IMPA2: variants seen among roughly 807,000 people sequenced by gnomAD.
IMPA2 encodes inositol monophosphatase 2, also known as IMP 2.
In IMPA2, 32 loss-of-function variants were observed where a neutral mutation model predicts 35.1. The ratio of observed to expected loss-of-function variants is 0.91; its 90% CI spans 0.69 to 1.23. IMPA2 has a LOEUF of 1.23. Ranked by LOEUF, IMPA2 falls within the 50% of genes most tolerant of loss-of-function variation. IMPA2 has a pLI of 0.00. For synonymous variants in IMPA2, 135 were observed against 160.6 expected, an observed-to-expected ratio of 0.84 and a Z score of 1.20; for missense variants, 334 against 387.6, an observed-to-expected ratio of 0.86 and a Z score of 1.16.
At chr18:12,017,264 G>A (rs1962913) in intron 5 of IMPA2, among the ~76,000 whole-genome samples, 72,336 of 151,972 alleles carry the variant, frequency 0.48, 18,856 homozygotes, top group Non-Finnish European at 0.59. Flanking sequence ...CGCCTGCTTC[G>A]TGTGTGTCCA....
intron 1 of IMPA2, among the ~76,000 whole-genome samples, chr18:11,984,267 C>T (rs1906591571): frequency 6.6e-6 from 1 of 152,220 alleles, no homozygotes; most frequent in South Asian, 2.1e-4. Flanking sequence ...TGCCACTCTT[C>T]CTTCCGTGAC....
intron 1 of IMPA2, among the ~76,000 whole-genome samples, chr18:11,986,921 G>C (rs996251316): frequency 1.3e-5 from 2 of 152,194 alleles, no homozygotes; most frequent in African/African-American, 4.8e-5. Context: ...GGTTCAGCCC[G>C]GCAGTGTATT....
chr18:12,022,530 T>A lies in IMPA2; in HGVS notation c.491-5513T>A, dbSNP rs9955933. Among the ~76,000 whole-genome samples, 50 of 7,158 alleles carry A rather than the reference T, an allele frequency of 7.0e-3. 1 individual carries two copies. The highest frequency in any genetic ancestry group is 0.011 in the African/African-American group (44 of 4,084). The allele number at this position is 7,158 out of a possible 152,430, so 4.7% of individuals were successfully genotyped here. A position where few individuals can be genotyped will look rare whatever the true frequency, so the allele number is the denominator to read the frequency against. ...GAATGGGGCTCCATCTCAAAAAGAA[T>A]ATATATATATATATATATATATATA... On this transcript the variant is annotated intron_variant, in intron 5 of 7. Coordinates refer to ENST00000269159, the MANE Select transcript of IMPA2 (RefSeq NM_014214.3).
At chr18:12,007,553 G>A (rs72873581) in intron 2 of IMPA2, among the ~76,000 whole-genome samples, 20,551 of 149,380 alleles carry the variant, frequency 0.14, 1,873 homozygotes, top group African/African-American at 0.23. Context: ...AACATGGGAC[G>A]CTTCTTTCTT....
At chr18:11,982,614 G>A (rs531194658) in intron 1 of IMPA2, among the ~76,000 whole-genome samples, 1 of 152,302 alleles carries the variant, frequency 6.6e-6, no homozygotes, top group African/African-American at 2.4e-5. Flanking sequence ...GACCAACATG[G>A]TGAAACCCCG....
chr18:12,009,643 C>G (rs1031611160), intron 2 of IMPA2, among the ~76,000 whole-genome samples: 3 of 152,150 alleles, frequency 2.0e-5, no homozygotes, highest in Admixed American at 6.5e-5. Flanking sequence ...CCCTGGTGCT[C>G]TTTCTGAACG....
chr18:11,984,183 C>G (rs558260221), intron 1 of IMPA2, among the ~76,000 whole-genome samples: 2 of 152,182 alleles, frequency 1.3e-5, no homozygotes, highest in African/African-American at 2.4e-5. Flanking sequence ...CTTCCATTTC[C>G]CCTCTGCCCC....
intron 1 of IMPA2, among the ~76,000 whole-genome samples, chr18:11,982,690 G>A (rs564835463): frequency 6.6e-6 from 1 of 152,152 alleles, no homozygotes; most frequent in South Asian, 2.1e-4. Context: ...CTATTTGGGA[G>A]GCTGAGGCAG....
intron 1 of IMPA2, among the ~76,000 whole-genome samples, chr18:11,983,489 G>T (rs1568024372): frequency 6.6e-6 from 1 of 152,168 alleles, no homozygotes; most frequent in Non-Finnish European, 1.5e-5. Context: ...TGAAGAAACA[G>T]AAGATTTTAA....
intron 2 of IMPA2, among the ~76,000 whole-genome samples, chr18:12,004,012 C>T (rs1598692823): frequency 6.6e-6 from 1 of 152,242 alleles, no homozygotes; most frequent in Non-Finnish European, 1.5e-5. Context: ...CCAGAGCCCC[C>T]ATGTAACCTG....
At chr18:12,000,615 A>ATT (rs367586917) in intron 2 of IMPA2, among the ~76,000 whole-genome samples, 6,296 of 118,150 alleles carry the variant, frequency 0.053, 272 homozygotes, top group East Asian at 0.083. Flanking sequence ...AGTGTTTGTG[A>ATT]TTTTTTTTTT....
rs776968481 is a variant in IMPA2 at position 12,030,379 on chromosome 18, C to A, written c.788C>A (p.Ala263Glu). 4 of 1,614,088 alleles carry A rather than the reference C, an allele frequency of 2.5e-6. No individual in the cohort carries two copies. Among genetic ancestry groups the A allele is most frequent in the Non-Finnish European group, 3.4e-6 (4 of 1,180,030 alleles). The change falls in exon 8 of 8, where the codon GCG becomes GAG. Residue 263 changes from alanine (A) to glutamate (E), a missense_variant. Ala to Glu is a moderately radical substitution (Grantham distance 107, BLOSUM62 -1). Transcript: ENST00000269159. ...PLDLMACRVVAASTREMAMLI... is the reference protein window; with the variant it reads ...PLDLMACRVVEASTREMAMLI... ...GACCTCATGGCTTGCAGAGTGGTTG[C>A]GGCCAGCACCCGGGAGATGGCGATG...
chr18:12,014,196 A>G, intron 4 of IMPA2, 69 bp from the exon 5 acceptor site: 1 of 1,081,398 alleles, frequency 9.2e-7, no homozygotes, highest in Non-Finnish European at 1.4e-6. Flanking sequence ...ATCTTTGAAT[A>G]ACAATGTTTT....
chr18:12,024,391 A>G (rs938200243), intron 5 of IMPA2, among the ~76,000 whole-genome samples: 15 of 123,700 alleles, frequency 1.2e-4, no homozygotes, highest in African/African-American at 3.0e-4. Flanking sequence ...GGCTGAGACA[A>G]GAGAACTGCG....
At chr18:12,022,941 A>ATTTTTTTTTTTTTTTTTTTTTT (rs35737614) in intron 5 of IMPA2, among the ~76,000 whole-genome samples, 2 of 81,672 alleles carry the variant, frequency 2.4e-5, no homozygotes, top group African/African-American at 4.4e-5. Flanking sequence ...CGCCTGCCTA[A>ATTTTTTTTTTTTTTTTTTTTTT]TTTTTTTTTT....
intron 2 of IMPA2, among the ~76,000 whole-genome samples, chr18:11,999,999 T>C (rs1296051110): frequency 6.6e-6 from 1 of 152,182 alleles, no homozygotes; most frequent in African/African-American, 2.4e-5. Context: ...TAGAATCTTT[T>C]AAAGATGTTG....
intron 5 of IMPA2, among the ~76,000 whole-genome samples, chr18:12,026,032 G>T (rs1157076382): frequency 9.6e-6 from 1 of 104,238 alleles, no homozygotes; most frequent in African/African-American, 3.6e-5. Context: ...TTTCAAAAGA[G>T]CATTTTTTTT....
intron 5 of IMPA2, among the ~76,000 whole-genome samples, chr18:12,025,662 G>A (rs754589793): frequency 2.6e-5 from 4 of 152,084 alleles, no homozygotes; most frequent in Non-Finnish European, 4.4e-5. Context: ...TAACCGCAAC[G>A]TCTGTCTCCC....
At chr18:12,017,833 C>G (rs902622238) in intron 5 of IMPA2, 2 of 339,058 alleles carry the variant, frequency 5.9e-6, no homozygotes, top group Admixed American at 4.1e-5. Context: ...CTCAAGTGAG[C>G]CTTTTGCCTC....
Sources: allele counts gnomAD v4.1 joint callset (sites outside exome capture counted in the v4.1 genomes callset), GRCh38; gene constraint gnomAD v4.1.1; transcripts MANE v1.5; gene names NCBI Gene and HGNC (gene_info 2026-07-23, HGNC 2026-07-21).